Variants in THUMPD3 observed in about 807,000 individuals in gnomAD.
The protein encoded by THUMPD3 is tRNA (guanine(6)-N(2))-methyltransferase THUMP3.
In THUMPD3, 44 loss-of-function variants were observed where a neutral mutation model predicts 54.5. The ratio of observed to expected loss-of-function variants is 0.81; its 90% CI spans 0.63 to 1.04. The LOEUF (loss-of-function observed/expected upper bound fraction) is 1.04. Ranked by LOEUF, THUMPD3 falls within the 50% of genes least tolerant of loss-of-function variation. THUMPD3 has a pLI of 0.00. For synonymous variants in THUMPD3, 196 were observed against 201.4 expected (o/e 0.97, Z 0.23); for missense variants, 604 against 601.3 (o/e 1.00, Z -0.05).
At chr3:9,365,541 G>A (rs1035916291) in intron 2 of THUMPD3, among the ~76,000 whole-genome samples, 1 of 150,596 alleles carries the variant, frequency 6.6e-6, no homozygotes, top group Non-Finnish European at 1.5e-5. Flanking sequence ...TTGGAGGGGG[G>A]TGGGGGGAGT....
At chr3:9,381,756 CTTTTTTTTTTTTTT>C (rs753480713) in intron 7 of THUMPD3, among the ~76,000 whole-genome samples, 3 of 44,366 alleles carry the variant, frequency 6.8e-5, no homozygotes, top group Admixed American at 3.3e-4. Context: ...TCAACCCGTA[CTTTTTTTTTTTTTT>C]TTTTTTTTTT....
Position 9,374,774 on chromosome 3 carries a change from G to A in THUMPD3, c.938+128G>A, listed in dbSNP as rs1483560701. On this transcript the variant is annotated intron_variant, in intron 5 of 9. Transcript: ENST00000452837. ...GAATAGAGTGGATAAAGAATAGAAT[G>A]GAAAGCTAATGATCTATTTCTTTCC... is the stretch of plus-strand genomic sequence containing the variant. The A allele has an allele frequency of 9.3e-6, 10 of 1,076,022 alleles. No individual in the cohort carries two copies. In the African/African-American group the frequency reaches 1.4e-4, roughly 15 times the overall value. The allele number at this position is 1,076,022 out of a possible 1,614,324, so 66.7% of individuals were successfully genotyped here.
At chr3:9,370,965 C>G in intron 3 of THUMPD3, 95 bp from the exon 4 acceptor site, 3 of 1,055,572 alleles carry the variant, frequency 2.8e-6, no homozygotes, top group Non-Finnish European at 4.1e-6. Context: ...ACCAGTGTCC[C>G]CCACGGATAC....
Position 9,386,068 on chromosome 3 carries a change from T to C in THUMPD3, c.*1380T>C, listed in dbSNP as rs1157625094. On this transcript the variant is annotated 3_prime_UTR_variant, in exon 10 of 10. Transcript: ENST00000452837. ...CTCTTAATACTTTCTGATGTCTCCA[T>C]TGAGAATAAAAGGACACAATACTTT... is the stretch of plus-strand genomic sequence containing the variant. 6.6e-6 allele frequency: 1 copy of C among 152,196 alleles called. No individual in the cohort carries two copies. The highest frequency in any genetic ancestry group is 6.5e-5 in the Admixed American group (1 of 15,278). 9.4% of individuals were successfully genotyped at this position (152,196 alleles called of 1,614,324 possible).
chr3:9,381,946 A>AT (rs902695822), intron 7 of THUMPD3, among the ~76,000 whole-genome samples: 48 of 143,330 alleles, frequency 3.3e-4, no homozygotes, highest in Middle Eastern at 3.5e-3. Flanking sequence ...TGCCCGGCTT[A>AT]TTTTTTTTTT....
intron 5 of THUMPD3, 60 bp from the exon 6 acceptor site, chr3:9,377,759 T>C (rs111448116): frequency 7.6e-7 from 1 of 1,309,152 alleles, no homozygotes; most frequent in Non-Finnish European, 1.1e-6. Context: ...TCAGGAATCA[T>C]CAGTATAGAA....
intron 4 of THUMPD3, among the ~76,000 whole-genome samples, chr3:9,372,913 T>C (rs1419690465): frequency 1.3e-5 from 2 of 152,116 alleles, no homozygotes; most frequent in African/African-American, 4.8e-5. Flanking sequence ...TTTGTGCATG[T>C]CAAATCAGGA....
At chr3:9,366,818 A>G (rs1282909248) in intron 2 of THUMPD3, 90 bp from the exon 3 acceptor site, 1 of 1,034,256 alleles carries the variant, frequency 9.7e-7, no homozygotes, top group Non-Finnish European at 1.4e-6. Flanking sequence ...CTTTAAAACT[A>G]TCATTCCTAA....
Position 9,384,785 on chromosome 3 carries a change from CT to C in THUMPD3, c.*100del, listed in dbSNP as rs757258904. 509 of 1,383,830 alleles carry C rather than the reference CT, an allele frequency of 3.7e-4. 1 individual carries two copies. The highest frequency in any genetic ancestry group is 4.8e-4 in the Non-Finnish European group (484 of 1,002,296). The allele number at this position is 1,383,830 out of a possible 1,614,324, so 85.7% of individuals were successfully genotyped here. ...TATTAACAAAACTGCAGTCTGCACT[CT>C]TTAAACCTGTTTAAGGCTCTTCATC... On this transcript the variant is annotated 3_prime_UTR_variant, in exon 10 of 10. Coordinates refer to ENST00000452837, the MANE Select transcript of THUMPD3 (RefSeq NM_001114092.2).
chr3:9,372,378 G>C (rs927587439), intron 4 of THUMPD3, among the ~76,000 whole-genome samples: 5 of 152,106 alleles, frequency 3.3e-5, no homozygotes, highest in African/African-American at 1.2e-4. Flanking sequence ...TCAGGAATTT[G>C]AGACCAGCGT....
intron 6 of THUMPD3, 56 bp downstream of exon 6, chr3:9,377,944 C>T: frequency 1.5e-6 from 2 of 1,379,010 alleles, no homozygotes; most frequent in Non-Finnish European, 2.1e-6. Flanking sequence ...ATATTCTAGA[C>T]CTAATGGGCA....
intron 5 of THUMPD3, among the ~76,000 whole-genome samples, chr3:9,375,741 C>T (rs1270940402): frequency 6.6e-6 from 1 of 152,132 alleles, no homozygotes; most frequent in African/African-American, 2.4e-5. Context: ...GATGGTGTAG[C>T]CTACTACACA....
chr3:9,372,184 T>C (rs1048369735), intron 4 of THUMPD3, among the ~76,000 whole-genome samples: 2 of 152,244 alleles, frequency 1.3e-5, no homozygotes, highest in Non-Finnish European at 2.9e-5. Context: ...GACTACTCTT[T>C]TACTATATTA....
At chr3:9,379,998 C>T (rs1311856027) in intron 6 of THUMPD3, among the ~76,000 whole-genome samples, 1 of 152,112 alleles carries the variant, frequency 6.6e-6, no homozygotes, top group Non-Finnish European at 1.5e-5. Context: ...CCGGAAATAG[C>T]ATTTTATTTT....
chr3:9,380,007 T>C (rs2032757755), intron 6 of THUMPD3, among the ~76,000 whole-genome samples: 1 of 152,178 alleles, frequency 6.6e-6, no homozygotes, highest in Admixed American at 6.5e-5. Context: ...GCATTTTATT[T>C]TGCAATTTTC....
intron 1 of THUMPD3, 109 bp from the exon 2 acceptor site, chr3:9,364,907 T>G (rs369911384): frequency 5.3e-5 from 45 of 850,606 alleles, no homozygotes; most frequent in Admixed American, 2.0e-4. Flanking sequence ...TTGGTGACTG[T>G]TTATCAGATG....
chr3:9,369,886 T>G (rs748463330), intron 3 of THUMPD3, among the ~76,000 whole-genome samples: 1 of 152,186 alleles, frequency 6.6e-6, no homozygotes, highest in Non-Finnish European at 1.5e-5. Context: ...ACATTATGTC[T>G]TTACTTTTTT....
At chr3:9,368,569 G>T (rs996026468) in intron 3 of THUMPD3, among the ~76,000 whole-genome samples, 3 of 151,446 alleles carry the variant, frequency 2.0e-5, no homozygotes, top group African/African-American at 7.3e-5. Flanking sequence ...CAGCATCTTG[G>T]CCAGGCTGGT....
intron 8 of THUMPD3, among the ~76,000 whole-genome samples, chr3:9,383,803 TA>T (rs2033110784): frequency 6.6e-6 from 1 of 152,122 alleles, no homozygotes; most frequent in African/African-American, 2.4e-5. Flanking sequence ...TTTGTATTTT[TA>T]AAAGACAGGG....
Sources: allele counts gnomAD v4.1 joint callset (sites outside exome capture counted in the v4.1 genomes callset), GRCh38; gene constraint gnomAD v4.1.1; transcripts MANE v1.5; gene names NCBI Gene and HGNC (gene_info 2026-07-23, HGNC 2026-07-21).